Variants in SUSD5 observed in about 807,000 individuals in gnomAD.
SUSD5 encodes the protein sushi domain-containing protein 5.
A neutral mutation model predicts 29.5 loss-of-function variants in SUSD5; 33 were observed. That is an observed-to-expected ratio of 1.12 (90% confidence interval 0.85 to 1.49). The LOEUF (loss-of-function observed/expected upper bound fraction) is 1.49, where lower values mean the gene tolerates loss of function less well. Among genes scored for constraint, SUSD5 ranks in the 40% most tolerant of loss-of-function variants. The pLI is 0.00. For missense variants in SUSD5, 776 were observed against 800.6 expected (o/e 0.97, Z 0.37); for synonymous variants, 308 against 325.3 (o/e 0.95, Z 0.57).
intron 4 of SUSD5, among the ~76,000 whole-genome samples, chr3:33,168,240 C>T (rs1421148013): frequency 1.3e-5 from 2 of 152,046 alleles, no homozygotes; most frequent in African/African-American, 4.8e-5. Flanking sequence ...CCACACGTAC[C>T]CTCTTTTTTT....
chr3:33,174,909 C>A lies in SUSD5; in HGVS notation c.575G>T (p.Gly192Val), dbSNP rs780183401. Residue 192 changes from glycine (G) to valine (V), a missense_variant, in exon 4 of 5, where the codon GGC becomes GTC. By Grantham distance (109) the Gly-to-Val change is moderately radical. Transcript: ENST00000309558. ...LLCNSCGEWY[G>V]LVQACGKDEA... ...ACCTTTCCCACAGGCCTGCACCAGG[C>A]CGTACCACTCCCCACAGCTGTTACA... 1.2e-6 allele frequency: 2 copies of A among 1,613,890 alleles called. No homozygotes were observed. Among genetic ancestry groups the A allele is most frequent in the Non-Finnish European group, 1.7e-6 (2 of 1,179,908 alleles).
intron 1 of SUSD5, 35 bp downstream of exon 1, chr3:33,218,651 T>G: frequency 8.1e-7 from 1 of 1,239,416 alleles, no homozygotes; most frequent in Non-Finnish European, 1.0e-6. Context: ...GACCCCACGC[T>G]CCACCCCCCG....
At chr3:33,171,658 T>C (rs1247949320) in intron 4 of SUSD5, among the ~76,000 whole-genome samples, 1 of 152,192 alleles carries the variant, frequency 6.6e-6, no homozygotes, top group Admixed American at 6.5e-5. Flanking sequence ...TCTTCCTCCC[T>C]GCATCTTATT....
At chr3:33,209,521 T>C (rs1340950788) in intron 2 of SUSD5, among the ~76,000 whole-genome samples, 7 of 152,066 alleles carry the variant, frequency 4.6e-5, no homozygotes, top group Admixed American at 3.9e-4. Context: ...ACTAATCCTC[T>C]CTTTGGCTCT....
intron 4 of SUSD5, among the ~76,000 whole-genome samples, chr3:33,169,981 G>T (rs35717125): frequency 6.6e-6 from 1 of 151,540 alleles, no homozygotes; most frequent in Non-Finnish European, 1.5e-5. Context: ...GCAGTGGCAC[G>T]ATCTCAGCTC....
At chr3:33,192,075 G>A (rs1014420352) in intron 3 of SUSD5, among the ~76,000 whole-genome samples, 9 of 141,574 alleles carry the variant, frequency 6.4e-5, no homozygotes, top group East Asian at 2.0e-4. Context: ...ATATTAATGC[G>A]CATATTTTTT....
Position 33,174,905 on chromosome 3 carries a change from C to G in SUSD5, c.579G>C (p.Leu193=). 1 of 1,613,990 alleles carries G rather than the reference C, an allele frequency of 6.2e-7. No individual in the cohort carries two copies. The highest frequency in any genetic ancestry group is 8.5e-7 in the Non-Finnish European group (1 of 1,179,890). The change falls in exon 4 of 5, where the codon CTG becomes CTC. Residue 193 remains leucine (L), a synonymous_variant. Coordinates refer to ENST00000309558, the MANE Select transcript of SUSD5 (RefSeq NM_015551.2). ...GCTTACCTTTCCCACAGGCCTGCAC[C>G]AGGCCGTACCACTCCCCACAGCTGT... ...LCNSCGEWYG[L]VQACGKDEAE...
intron 4 of SUSD5, among the ~76,000 whole-genome samples, chr3:33,158,182 G>A (rs953386766): frequency 1.3e-5 from 2 of 152,218 alleles, no homozygotes; most frequent in African/African-American, 4.8e-5. Flanking sequence ...TCAGTTTCCA[G>A]GAGCACAGTC....
At chr3:33,200,648 GAA>G (rs2032099942) in intron 3 of SUSD5, among the ~76,000 whole-genome samples, 1 of 152,206 alleles carries the variant, frequency 6.6e-6, no homozygotes, top group Admixed American at 6.5e-5. Flanking sequence ...GAGCTGTAGA[GAA>G]AGTCTTCATC....
intron 3 of SUSD5, 85 bp from the exon 4 acceptor site, chr3:33,175,159 T>G: frequency 7.1e-7 from 1 of 1,417,130 alleles, no homozygotes; most frequent in Non-Finnish European, 9.7e-7. Context: ...AACACAACTC[T>G]CCCCTGCCGC....
Position 33,218,744 on chromosome 3 carries a change from C to T in SUSD5, c.54G>A (p.Gly18=), listed in dbSNP as rs1397353152. ...GCAGGAGCAGCGCCGCCGCCCAGAG[C>T]CCGGGGAGGCGTCTGTGCCAACGGG... The part of the protein sequence containing the change: ...PPARWHRRLP[G]LWAAALLLLG... The change falls in exon 1 of 5, where the codon GGG becomes GGA. Residue 18 remains glycine, a synonymous_variant. Coordinates refer to ENST00000309558, the MANE Select transcript of SUSD5 (RefSeq NM_015551.2). The T allele has an allele frequency of 3.6e-6, 5 of 1,381,480 alleles. No individual in the cohort carries two copies. The highest frequency in any genetic ancestry group is 3.3e-5 in the South Asian group (2 of 59,898). 85.6% of individuals were successfully genotyped at this position (1,381,480 alleles called of 1,614,324 possible). A position where few individuals can be genotyped will look rare whatever the true frequency, so the allele number is the denominator to read the frequency against.
chr3:33,192,113 G>A lies in SUSD5; in HGVS notation c.409+15695C>T, dbSNP rs186263587. On this transcript the variant is annotated intron_variant, in intron 3 of 4. Coordinates refer to ENST00000309558, the MANE Select transcript of SUSD5 (RefSeq NM_015551.2). Reference sequence around the variant, plus strand: ...TTTTGAGACAGAGCCTTGCTCTGTCGCCTGGACTAGAGTACAGTGGCATGA... The same window carrying A: ...TTTTGAGACAGAGCCTTGCTCTGTCACCTGGACTAGAGTACAGTGGCATGA... Among the ~76,000 whole-genome samples, 390 of 150,518 alleles carry A rather than the reference G, an allele frequency of 2.6e-3. 2 individuals are homozygous for A. The highest frequency in any genetic ancestry group is 9.2e-3 in the African/African-American group (378 of 40,990).
intron 4 of SUSD5, among the ~76,000 whole-genome samples, chr3:33,170,460 C>T (rs67756935): frequency 0.33 from 50,923 of 152,042 alleles, 9,036 homozygotes; most frequent in Middle Eastern, 0.4. Context: ...AGTCCTCGCC[C>T]ATTTCAGTGA....
intron 1 of SUSD5, among the ~76,000 whole-genome samples, chr3:33,218,482 G>T (rs1414484696): frequency 6.6e-6 from 1 of 152,224 alleles, no homozygotes. Context: ...CAGGCACCAG[G>T]CGGGCGTTTG....
chr3:33,153,579 C>T lies in SUSD5; in HGVS notation c.1053G>A (p.Val351=). The T allele has an allele frequency of 6.2e-7, 1 of 1,614,008 alleles. No individual in the cohort carries two copies. The highest frequency in any genetic ancestry group is 8.5e-7 in the Non-Finnish European group (1 of 1,179,902). The change falls in exon 5 of 5, where the codon GTG becomes GTA. Residue 351 remains valine (V), a synonymous_variant. Coordinates refer to ENST00000309558, the MANE Select transcript of SUSD5 (RefSeq NM_015551.2). ...CTCCTGCCTTGCTGTCATTCTTGCCCACAAATGGCCCCGAGGGACCATCAG... is the reference window on the plus strand; with the variant it reads ...CTCCTGCCTTGCTGTCATTCTTGCCTACAAATGGCCCCGAGGGACCATCAG... ...GNTDGPSGPF[V]GKNDSKAGDP...
At position 33,152,943 on chromosome 3, in the gene SUSD5, C is replaced by G. The variant is rs752750298; in HGVS notation, c.1689G>C (p.Val563=). ...TGCTGAGGCCAGGACATCCGTCCCC[C>G]ACACACGACTCCAAGGTGGGATGAA... ...EELHPTLESC[V]GDGCPGLSRG... The change falls in exon 5 of 5, where the codon GTG becomes GTC. Residue 563 remains valine (V), a synonymous_variant. Coordinates refer to ENST00000309558, the MANE Select transcript of SUSD5 (RefSeq NM_015551.2). 6.8e-6 allele frequency: 11 copies of G among 1,613,892 alleles called. No homozygotes were observed. The Middle Eastern group carries it at 6.6e-4, about 96-fold the overall frequency.
At chr3:33,198,598 A>G (rs945926321) in intron 3 of SUSD5, among the ~76,000 whole-genome samples, 1 of 152,180 alleles carries the variant, frequency 6.6e-6, no homozygotes, top group African/African-American at 2.4e-5. Flanking sequence ...TGTTTCACCT[A>G]AAAATTCAAT....
chr3:33,201,195 T>G (rs960234622), intron 3 of SUSD5, among the ~76,000 whole-genome samples: 1 of 152,176 alleles, frequency 6.6e-6, no homozygotes, highest in Non-Finnish European at 1.5e-5. Context: ...TCAGAGGTCA[T>G]GTGGACCCTC....
At chr3:33,187,829 G>A (rs2031812692) in intron 3 of SUSD5, among the ~76,000 whole-genome samples, 1 of 122,684 alleles carries the variant, frequency 8.2e-6, no homozygotes. Flanking sequence ...ACAGGCCCCG[G>A]TGTGTGATGT....
Sources: gnomAD v4.1 joint callset for allele counts (sites outside exome capture counted in the v4.1 genomes callset) on GRCh38, gnomAD v4.1.1 for gene constraint, MANE v1.5 for transcripts, NCBI Gene and HGNC (gene_info 2026-07-23, HGNC 2026-07-21) for gene names.